The following ABCC1 variants were observed in gnomAD, a reference collection of about 807,000 sequenced individuals.
ABCC1 encodes the protein multidrug resistance-associated protein 1.
Under a neutral mutation model 172.9 loss-of-function variants are expected in ABCC1, and 83 were observed. The ratio of observed to expected loss-of-function variants is 0.48; its 90% CI spans 0.40 to 0.58. The LOEUF (loss-of-function observed/expected upper bound fraction) is 0.58. Among genes scored for constraint, ABCC1 ranks in the 20% least tolerant of loss-of-function variants. ABCC1 has a pLI of 0.00. For synonymous variants in ABCC1, 937 were observed against 825.2 expected (o/e 1.14, Z -2.32); for missense variants, 1,817 against 2,002.7 (o/e 0.91, Z 1.77).
At chr16:16,004,342 G>A (rs570452006) in intron 1 of ABCC1, among the ~76,000 whole-genome samples, 55 of 152,224 alleles carry the variant, frequency 3.6e-4, no homozygotes, top group African/African-American at 1.3e-3. Context: ...TCTTGGTATC[G>A]TTTTCTTTCT....
chr16:16,022,834 A>C (rs925768408), intron 5 of ABCC1, among the ~76,000 whole-genome samples: 1 of 152,214 alleles, frequency 6.6e-6, no homozygotes, highest in Non-Finnish European at 1.5e-5. Flanking sequence ...GCCACAGTTA[A>C]CATTTTGCTA....
intron 1 of ABCC1, among the ~76,000 whole-genome samples, chr16:15,960,823 T>A (rs1701634000): frequency 6.6e-6 from 1 of 151,924 alleles, no homozygotes; most frequent in Non-Finnish European, 1.5e-5. Context: ...GCAGAGCCCA[T>A]CTCATAAAAA....
intron 5 of ABCC1, among the ~76,000 whole-genome samples, chr16:16,032,697 G>A (rs191906238): frequency 2.6e-5 from 4 of 152,260 alleles, no homozygotes; most frequent in South Asian, 2.1e-4. Context: ...AGTAATACCC[G>A]CTCATGAGGT....
At chr16:15,970,689 TC>T (rs2046347707) in intron 1 of ABCC1, among the ~76,000 whole-genome samples, 1 of 152,074 alleles carries the variant, frequency 6.6e-6, no homozygotes, top group Non-Finnish European at 1.5e-5. Flanking sequence ...CAGCTTTCTT[TC>T]CCCCCTCCTT....
At chr16:16,091,855 C>G (rs1039501234) in intron 19 of ABCC1, among the ~76,000 whole-genome samples, 1 of 152,188 alleles carries the variant, frequency 6.6e-6, no homozygotes, top group Non-Finnish European at 1.5e-5. Context: ...TCAAGTTGGT[C>G]TCTGAGTTTC....
intron 16 of ABCC1, among the ~76,000 whole-genome samples, chr16:16,082,723 G>A (rs371886626): frequency 3.9e-5 from 6 of 152,142 alleles, no homozygotes; most frequent in African/African-American, 1.2e-4. Flanking sequence ...ATCTCAGCTC[G>A]TGGTACCTCC....
Position 16,068,293 on chromosome 16 carries a change from C to T in ABCC1, c.1815C>T (p.Ser605=), listed in dbSNP as rs769034015. The change falls in exon 13 of 31, where the codon AGC becomes AGT. Residue 605 remains serine (S), a synonymous_variant. Transcript: ENST00000399410. Reference sequence around the variant, plus strand: ...ACATTCTCCCCATGGTCATCAGCAGCATCGTGCAGGTACAGGGGGAAGCTG... The same window carrying T: ...ACATTCTCCCCATGGTCATCAGCAGTATCGTGCAGGTACAGGGGGAAGCTG... ...PLNILPMVIS[S]IVQASVSLKR... is the part of the protein sequence containing the mutation. 1.2e-6 allele frequency: 2 copies of T among 1,613,994 alleles called. No homozygotes were observed. The highest frequency in any genetic ancestry group is 3.3e-5 in the Admixed American group (2 of 59,988).
chr16:16,137,619 G>GCAATCT (rs1419204170), intron 29 of ABCC1, among the ~76,000 whole-genome samples: 1 of 133,030 alleles, frequency 7.5e-6, no homozygotes, highest in African/African-American at 2.7e-5. Flanking sequence ...GTGCAGTGGC[G>GCAATCT]CAATCTCATC....
In ABCC1 at chr16:15,952,746, C is replaced by G. The variant is rs1278384583; in HGVS notation, c.48+2947C>G. Among the ~76,000 whole-genome samples, 26 of 122,296 alleles carry G rather than the reference C, an allele frequency of 2.1e-4. No homozygotes were observed. In the South Asian group the frequency reaches 4.0e-3, roughly 19 times the overall value. The allele number at this position is 122,296 out of a possible 152,430, so 80.2% of individuals were successfully genotyped here. On this transcript the variant is annotated intron_variant, in intron 1 of 30. Transcript: ENST00000399410. ...AAAAAAAAAAAAAAAAAAAAAAAAG[C>G]AGGCCGGGTGCAGTGGCTCACGCCT...
chr16:16,123,587 A>G (rs2045264713), intron 24 of ABCC1, among the ~76,000 whole-genome samples: 2 of 152,188 alleles, frequency 1.3e-5, no homozygotes. Flanking sequence ...AGACCGCACC[A>G]TTGCACTCCA....
chr16:16,094,589 C>T (rs565097682), intron 19 of ABCC1: 3 of 152,754 alleles, frequency 2.0e-5, no homozygotes, highest in African/African-American at 4.8e-5. Context: ...TCTTGGCTCC[C>T]TGCAAGCTCT....
At chr16:16,028,178 C>T (rs976364504) in intron 5 of ABCC1, among the ~76,000 whole-genome samples, 1 of 152,158 alleles carries the variant, frequency 6.6e-6, no homozygotes, top group African/African-American at 2.4e-5. Context: ...TACCTCAACC[C>T]TCAGTGATTA....
intron 18 of ABCC1, among the ~76,000 whole-genome samples, chr16:16,089,436 T>A (rs1366963341): frequency 6.6e-6 from 1 of 151,722 alleles, no homozygotes; most frequent in Non-Finnish European, 1.5e-5. Context: ...TAGTCCCAGC[T>A]ACTTGGGAGG....
At chr16:16,033,815 A>G (rs573084348) in intron 6 of ABCC1, among the ~76,000 whole-genome samples, 78 of 151,458 alleles carry the variant, frequency 5.1e-4, no homozygotes, top group African/African-American at 1.5e-3. Context: ...GTAGAGACAG[A>G]GTTTTGCCAT....
chr16:15,994,412 T>G (rs2151645541), intron 1 of ABCC1, among the ~76,000 whole-genome samples: 1 of 152,282 alleles, frequency 6.6e-6, no homozygotes, highest in East Asian at 1.9e-4. Flanking sequence ...GGGGAGAGTT[T>G]TAATAGTCCT....
intron 1 of ABCC1, among the ~76,000 whole-genome samples, chr16:15,965,295 T>A (rs894202201): frequency 6.6e-6 from 1 of 151,946 alleles, no homozygotes; most frequent in Non-Finnish European, 1.5e-5. Flanking sequence ...CTTTTTTTTT[T>A]TTATTATTAT....
At chr16:16,025,665 C>T (rs1354519047) in intron 5 of ABCC1, among the ~76,000 whole-genome samples, 3 of 152,146 alleles carry the variant, frequency 2.0e-5, no homozygotes, top group East Asian at 1.9e-4. Context: ...AACTACCCTG[C>T]GCTCCAAGAA....
rs1490402741 is a variant in ABCC1 at position 16,090,336 on chromosome 16, T to C, written c.2461-69T>C. 17 of 1,457,464 alleles carry C rather than the reference T, an allele frequency of 1.2e-5. No individual in the cohort carries two copies. In the East Asian group the frequency reaches 4.2e-4, roughly 36 times the overall value. The allele number at this position is 1,457,464 out of a possible 1,614,324, so 90.3% of individuals were successfully genotyped here. ...TCGTCGGCTCATTCCTCCTTTAGTC[T>C]TCACTCTGCCAAGCTAGGCAGTCTC... On this transcript the variant is annotated intron_variant, in intron 18 of 30. Transcript: ENST00000399410.
At chr16:16,000,574 A>G (rs1339043424) in intron 1 of ABCC1, among the ~76,000 whole-genome samples, 1 of 152,162 alleles carries the variant, frequency 6.6e-6, no homozygotes, top group Non-Finnish European at 1.5e-5. Flanking sequence ...GGTCATAGCT[A>G]GTCTCTACCT....
Sources: gnomAD v4.1 joint callset for allele counts (sites outside exome capture counted in the v4.1 genomes callset) on GRCh38, gnomAD v4.1.1 for gene constraint, MANE v1.5 for transcripts, NCBI Gene and HGNC (gene_info 2026-07-23, HGNC 2026-07-21) for gene names.